Variants in ARHGAP22 observed in about 807,000 individuals in gnomAD.
ARHGAP22 encodes Rho GTPase activating protein 22, also known as rho GTPase-activating protein 22.
Under a neutral mutation model 59.1 loss-of-function variants are expected in ARHGAP22, and 48 were observed. The ratio of observed to expected loss-of-function variants is 0.81; its 90% CI spans 0.64 to 1.03. The LOEUF (loss-of-function observed/expected upper bound fraction) is 1.03, where lower values mean the gene tolerates loss of function less well. Ranked by LOEUF, ARHGAP22 falls within the 50% of genes least tolerant of loss-of-function variation. The probability of loss-of-function intolerance (pLI) is 0.00; values close to 1 mark genes in which losing one functional copy is unlikely to be tolerated. For missense variants in ARHGAP22, 1,015 were observed against 958.7 expected, an observed-to-expected ratio of 1.06 and a Z score of -0.78; for synonymous variants, 445 against 416.4, an observed-to-expected ratio of 1.07 and a Z score of -0.84.
chr10:48,641,341 G>A (rs190818242), intron 1 of ARHGAP22, among the ~76,000 whole-genome samples: 1 of 152,204 alleles, frequency 6.6e-6, no homozygotes. Context: ...CTGTCTAAAA[G>A]AGACACATTA....
the ARHGAP22 span, chr10:48,435,120 G>A: frequency 6.8e-6 from 7 of 1,029,380 alleles, no homozygotes; most frequent in Non-Finnish European, 8.0e-6. Flanking sequence ...CTTATTTTTG[G>A]GTGATTTTTC....
downstream of ARHGAP22, among the ~76,000 whole-genome samples, chr10:48,443,612 C>T (rs1008159288): frequency 6.6e-6 from 1 of 152,110 alleles, no homozygotes; most frequent in Non-Finnish European, 1.5e-5. Flanking sequence ...TAGCTAGGAA[C>T]TCAAGACACC....
intron 3 of ARHGAP22, among the ~76,000 whole-genome samples, chr10:48,530,065 C>G (rs1399879546): frequency 6.6e-6 from 1 of 151,952 alleles, no homozygotes; most frequent in African/African-American, 2.4e-5. Flanking sequence ...GGTGAAACCG[C>G]ATCTCTACTA....
intron 1 of ARHGAP22, among the ~76,000 whole-genome samples, chr10:48,649,128 T>C (rs2062442380): frequency 6.6e-6 from 1 of 152,172 alleles, no homozygotes; most frequent in Non-Finnish European, 1.5e-5. Flanking sequence ...TCCCTATGCC[T>C]CACGAGAACA....
At chr10:48,469,051 C>T (rs545569008) in intron 4 of ARHGAP22, among the ~76,000 whole-genome samples, 5 of 152,320 alleles carry the variant, frequency 3.3e-5, no homozygotes, top group Admixed American at 6.5e-5. Flanking sequence ...AACCAGGGGC[C>T]GGCAGGCTTC....
At position 48,494,860 on chromosome 10, in the gene ARHGAP22, T is replaced by C. The variant is rs183966633; in HGVS notation, c.323-15096A>G. The stretch of plus-strand genomic sequence containing the variant: ...CCCTCTCTCCCTCAAGCTCACCCTC[T>C]TCCCACCAGAAACTTTGCATTCTCT... On this transcript the variant is annotated intron_variant, in intron 3 of 9. Coordinates refer to ENST00000249601, the MANE Select transcript of ARHGAP22 (RefSeq NM_021226.4). 2.2e-3 allele frequency among the ~76,000 whole-genome samples: 336 copies of C among 152,236 alleles called. 2 individuals are homozygous for C. Among genetic ancestry groups the C allele is most frequent in the African/African-American group, 7.7e-3 (318 of 41,546 alleles).
intron 1 of ARHGAP22, among the ~76,000 whole-genome samples, chr10:48,614,291 G>A (rs923001932): frequency 6.6e-6 from 1 of 152,146 alleles, no homozygotes; most frequent in Non-Finnish European, 1.5e-5. Flanking sequence ...GTTGAGAAGA[G>A]GACAGTATTT....
At chr10:48,465,467 G>T (rs923683245) in intron 4 of ARHGAP22, among the ~76,000 whole-genome samples, 1 of 152,342 alleles carries the variant, frequency 6.6e-6, no homozygotes, top group Non-Finnish European at 1.5e-5. Flanking sequence ...GCCACCTTCC[G>T]GGGTGTGAGC....
intron 1 of ARHGAP22, chr10:48,652,152 G>C: frequency 7.6e-7 from 1 of 1,320,220 alleles, no homozygotes; most frequent in Non-Finnish European, 1.1e-6. Context: ...GACCAAGACA[G>C]CCTCCGGGGA....
intron 9 of ARHGAP22, among the ~76,000 whole-genome samples, chr10:48,449,569 CT>C: frequency 6.6e-6 from 1 of 152,350 alleles, no homozygotes; most frequent in Middle Eastern, 3.4e-3. Context: ...GGTCGGCCAG[CT>C]AACGGGGACC....
intron 5 of ARHGAP22, 135 bp downstream of exon 5, chr10:48,459,549 C>T (rs1589487623): frequency 3.9e-6 from 4 of 1,014,528 alleles, no homozygotes; most frequent in Admixed American, 1.8e-5. Flanking sequence ...GTGCCCTACA[C>T]TCTGCCCACT....
At position 48,525,938 on chromosome 10, in the gene ARHGAP22, TAATC is replaced by T. The variant is rs953902104; in HGVS notation, c.322+29521_322+29524del. ...GGTATTATTGTGTAATTAAAGTAAA[TAATC>T]AATTTACTTTGATTGAGATAATTAT... On this transcript the variant is annotated intron_variant, in intron 3 of 9. Transcript: ENST00000249601. Among the ~76,000 whole-genome samples the T allele has an allele frequency of 2.9e-4, 44 of 152,224 alleles. 1 individual carries two copies. Among genetic ancestry groups the T allele is most frequent in the African/African-American group, 9.9e-4 (41 of 41,446 alleles).
At chr10:48,458,690 A>G (rs2046826450) in intron 5 of ARHGAP22, among the ~76,000 whole-genome samples, 1 of 152,186 alleles carries the variant, frequency 6.6e-6, no homozygotes, top group African/African-American at 2.4e-5. Flanking sequence ...CCTAACGCTG[A>G]GACACAGGAT....
intron 1 of ARHGAP22, among the ~76,000 whole-genome samples, chr10:48,619,793 G>A (rs1054016974): frequency 2.6e-5 from 4 of 152,086 alleles, no homozygotes; most frequent in Non-Finnish European, 4.4e-5. Flanking sequence ...TCTGAGCAAA[G>A]ATTTTATGAA....
chr10:48,589,111 C>T lies in ARHGAP22; in HGVS notation c.35-5959G>A, dbSNP rs539303375. 1.2e-3 allele frequency among the ~76,000 whole-genome samples: 176 copies of T among 152,290 alleles called. 1 individual carries two copies. Among genetic ancestry groups the T allele is most frequent in the Admixed American group, 1.6e-3 (25 of 15,310 alleles). ...GCCCACATACCTGCCTCTCCTTCCT[C>T]ACCCCCCAGTCCCCACCAACTCCTT... On this transcript the variant is annotated intron_variant, in intron 1 of 9. Coordinates refer to ENST00000249601, the MANE Select transcript of ARHGAP22 (RefSeq NM_021226.4).
At chr10:48,515,912 G>A (rs903445087) in intron 3 of ARHGAP22, among the ~76,000 whole-genome samples, 2 of 151,946 alleles carry the variant, frequency 1.3e-5, no homozygotes, top group African/African-American at 4.8e-5. Flanking sequence ...CATTCAAAAG[G>A]CTGAGGCAGG....
chr10:48,536,316 G>T (rs77655221), intron 3 of ARHGAP22, among the ~76,000 whole-genome samples: 1 of 152,242 alleles, frequency 6.6e-6, no homozygotes, highest in African/African-American at 2.4e-5. Context: ...GGAGCTGCCA[G>T]CAGGGGAAGG....
At chr10:48,458,229 GCA>G (rs2046763137) in intron 5 of ARHGAP22, among the ~76,000 whole-genome samples, 1 of 152,158 alleles carries the variant, frequency 6.6e-6, no homozygotes, top group Non-Finnish European at 1.5e-5. Context: ...CAGGGTAGAA[GCA>G]GCCAGAGAGG....
intron 3 of ARHGAP22, among the ~76,000 whole-genome samples, chr10:48,481,353 C>T (rs2049299767): frequency 6.6e-6 from 1 of 152,122 alleles, no homozygotes; most frequent in Non-Finnish European, 1.5e-5. Flanking sequence ...AGCCAGATGT[C>T]ACCAGGAAGC....
Sources: gnomAD v4.1 joint callset for allele counts (sites outside exome capture counted in the v4.1 genomes callset) on GRCh38, gnomAD v4.1.1 for gene constraint, MANE v1.5 for transcripts, NCBI Gene and HGNC (gene_info 2026-07-23, HGNC 2026-07-21) for gene names.